Variants in TESPA1 observed in about 807,000 individuals in gnomAD.
The protein encoded by TESPA1 is protein TESPA1.
A neutral mutation model predicts 57.9 loss-of-function variants in TESPA1; 33 were observed. The observed-to-expected ratio is 0.57, with a 90% CI of 0.43 to 0.76. The LOEUF (loss-of-function observed/expected upper bound fraction) is 0.76, where lower values mean the gene tolerates loss of function less well. TESPA1 is among the 30% of genes least tolerant of loss of function. The pLI, the probability that TESPA1 is intolerant of heterozygous loss-of-function variation, is 0.00. For missense variants in TESPA1, 618 were observed against 632.9 expected (o/e 0.98, Z 0.25); for synonymous variants, 227 against 228.9 (o/e 0.99, Z 0.07).
intron 7 of TESPA1, 63 bp downstream of exon 7, chr12:54,965,990 G>A (rs1266937508): frequency 1.3e-6 from 2 of 1,494,486 alleles, no homozygotes; most frequent in Non-Finnish European, 1.8e-6. Context: ...ATGGCTCTTG[G>A]TTCCATTCTC....
intron 10 of TESPA1, among the ~76,000 whole-genome samples, chr12:54,955,001 G>A (rs1257486304): frequency 2.0e-5 from 3 of 152,110 alleles, no homozygotes; most frequent in Non-Finnish European, 4.4e-5. Flanking sequence ...ATTTTTTGAG[G>A]AAACTTAGTA....
intron 2 of TESPA1, chr12:54,973,771 G>A: frequency 2.4e-6 from 3 of 1,255,006 alleles, no homozygotes; most frequent in Non-Finnish European, 3.0e-6. Flanking sequence ...CAGGCCCACT[G>A]CTGTCTTTTG....
rs894459559 is a variant in TESPA1 at position 54,949,201 on chromosome 12, C to T, written c.*1191G>A. ...AACACAGATGGTTTAAAAATTTTTC[C>T]ACCCTAGCCCTTTTGTCTCTGCCTC... On this transcript the variant is annotated 3_prime_UTR_variant, in exon 11 of 11. Coordinates refer to ENST00000449076, the MANE Select transcript of TESPA1 (RefSeq NM_001136030.3). 4 of 152,070 alleles carry T rather than the reference C, an allele frequency of 2.6e-5. No homozygotes were observed. The highest frequency in any genetic ancestry group is 5.9e-5 in the Non-Finnish European group (4 of 67,994). 9.4% of individuals were successfully genotyped at this position (152,070 alleles called of 1,614,324 possible).
intron 1 of TESPA1, among the ~76,000 whole-genome samples, 181 bp downstream of exon 1, chr12:54,984,404 A>G (rs1311190206): frequency 6.6e-6 from 1 of 152,248 alleles, no homozygotes; most frequent in Non-Finnish European, 1.5e-5. Context: ...AAGGGCACCC[A>G]GCATCGTTCT....
chr12:54,969,093 T>G (rs7954972), intron 3 of TESPA1, among the ~76,000 whole-genome samples: 47,109 of 139,544 alleles, frequency 0.34, 10,980 homozygotes, highest in East Asian at 0.91. Flanking sequence ...TGCTTGTAAC[T>G]CCTTTCAATA....
Position 54,966,517 on chromosome 12 carries a change from G to C in TESPA1, c.311-93C>G. 2.1e-6 allele frequency: 3 copies of C among 1,441,440 alleles called. No individual in the cohort carries two copies. In the South Asian group the frequency reaches 4.0e-5, roughly 19 times the overall value. The allele number at this position is 1,441,440 out of a possible 1,614,324, so 89.3% of individuals were successfully genotyped here. ...CTGAACCTAAAACTCAGTCCCCTCTGTTTCTTTTTGTGACTATGACAGGCT... is the reference window on the plus strand; with the variant it reads ...CTGAACCTAAAACTCAGTCCCCTCTCTTTCTTTTTGTGACTATGACAGGCT... On this transcript the variant is annotated intron_variant, in intron 5 of 10. Coordinates refer to ENST00000449076, the MANE Select transcript of TESPA1 (RefSeq NM_001136030.3).
At chr12:54,952,416 G>A (rs1950459332) in intron 10 of TESPA1, among the ~76,000 whole-genome samples, 2 of 152,280 alleles carry the variant, frequency 1.3e-5, no homozygotes, top group East Asian at 1.9e-4. Flanking sequence ...GAACTCATCA[G>A]CTTTTTCTAA....
intron 8 of TESPA1, among the ~76,000 whole-genome samples, 154 bp downstream of exon 8, chr12:54,963,588 T>G (rs1484474943): frequency 6.6e-6 from 1 of 152,196 alleles, no homozygotes; most frequent in Non-Finnish European, 1.5e-5. Flanking sequence ...GACAGAGTTC[T>G]CCATCTTCAC....
rs371233188 is a variant in TESPA1 at position 54,973,545 on chromosome 12, T to A, written c.164-26A>T. On this transcript the variant is annotated intron_variant, in intron 2 of 10. Coordinates refer to ENST00000449076, the MANE Select transcript of TESPA1 (RefSeq NM_001136030.3). Reference sequence around the variant, plus strand: ...CTAGAAAAGTCAGACACTAGATCACTGTGAGAACTGAACGAAATCAGACCT... The same window carrying A: ...CTAGAAAAGTCAGACACTAGATCACAGTGAGAACTGAACGAAATCAGACCT... 5 of 1,614,018 alleles carry A rather than the reference T, an allele frequency of 3.1e-6. No individual in the cohort carries two copies. In the Middle Eastern group the frequency reaches 5.0e-4, roughly 160 times the overall value.
chr12:54,963,344 G>A, intron 8 of TESPA1, 102 bp from the exon 9 acceptor site: 2 of 1,180,372 alleles, frequency 1.7e-6, no homozygotes, highest in Non-Finnish European at 2.3e-6. Context: ...TCAGGGAGAA[G>A]CTTCCAATTT....
intron 1 of TESPA1, among the ~76,000 whole-genome samples, chr12:54,979,290 T>A (rs971309369): frequency 6.6e-6 from 1 of 152,228 alleles, no homozygotes; most frequent in Admixed American, 6.5e-5. Flanking sequence ...TCATCTATCA[T>A]CTCTCTTGAT....
intron 1 of TESPA1, chr12:54,981,736 A>C (rs1305715971): frequency 6.6e-6 from 1 of 152,234 alleles, no homozygotes; most frequent in East Asian, 1.9e-4. Flanking sequence ...CTGGAGTCAC[A>C]AAGAATATTA....
In TESPA1 at chr12:54,974,411, A is replaced by T; in HGVS notation, c.152T>A (p.Val51Asp). The T allele has an allele frequency of 6.2e-7, 1 of 1,605,160 alleles. No individual in the cohort carries two copies. Among genetic ancestry groups the T allele is most frequent in the South Asian group, 1.1e-5 (1 of 89,076 alleles). Residue 51 changes from valine (V) to aspartate (D), a missense_variant, in exon 2 of 11, where the codon GTT becomes GAT. Val to Asp is a radical substitution (Grantham distance 152). Transcript: ENST00000449076. ...PDPEPSSLDD[V>D]FQEGNPINKI... The stretch of plus-strand genomic sequence containing the variant: ...TGTTCGTCTCTTACCTTCTTGGAAA[A>T]CGTCATCCAGGCTGGAAGGCTCAGG...
chr12:54,959,818 C>A (rs919629098), intron 10 of TESPA1, among the ~76,000 whole-genome samples: 2 of 152,090 alleles, frequency 1.3e-5, no homozygotes, highest in African/African-American at 2.4e-5. Context: ...ACATGCCAGA[C>A]CAGCAACTGA....
chr12:54,952,008 C>T (rs191228858), intron 10 of TESPA1, among the ~76,000 whole-genome samples: 2 of 152,022 alleles, frequency 1.3e-5, no homozygotes, highest in Admixed American at 6.6e-5. Context: ...TTTGAGTTTG[C>T]CCTCCAAAAT....
Position 54,956,647 on chromosome 12 carries a change from CA to C in TESPA1, c.*1+4520del, listed in dbSNP as rs150593595. On this transcript the variant is annotated intron_variant, in intron 10 of 10. Coordinates refer to ENST00000449076, the MANE Select transcript of TESPA1 (RefSeq NM_001136030.3). ...GTGAAGAAAGCTGTTGGCTGCGGGT[CA>C]AGGTCCTCTTTTAATAGAAAAGGTG... is the stretch of plus-strand genomic sequence containing the variant. Among the ~76,000 whole-genome samples, 1,103 of 152,318 alleles carry C rather than the reference CA, an allele frequency of 7.2e-3. 16 individuals are homozygous for C. The highest frequency in any genetic ancestry group is 0.026 in the African/African-American group (1,068 of 41,554).
intron 7 of TESPA1, among the ~76,000 whole-genome samples, chr12:54,964,208 C>T (rs181325856): frequency 7.2e-5 from 11 of 152,070 alleles, no homozygotes; most frequent in African/African-American, 1.4e-4. Flanking sequence ...TTATTGCAGA[C>T]GAATAAAAAT....
At chr12:54,957,044 G>T (rs1950777777) in intron 10 of TESPA1, among the ~76,000 whole-genome samples, 1 of 152,174 alleles carries the variant, frequency 6.6e-6, no homozygotes, top group African/African-American at 2.4e-5. Context: ...CCAACTTTGC[G>T]AGACTCATTC....
intron 10 of TESPA1, among the ~76,000 whole-genome samples, chr12:54,955,921 AT>A (rs1361464102): frequency 6.6e-6 from 1 of 151,374 alleles, no homozygotes; most frequent in East Asian, 2.0e-4. Flanking sequence ...TACACTTCAC[AT>A]CTGACTGTCC....
Sources: gnomAD v4.1 joint callset for allele counts (sites outside exome capture counted in the v4.1 genomes callset) on GRCh38, gnomAD v4.1.1 for gene constraint, MANE v1.5 for transcripts, NCBI Gene and HGNC (gene_info 2026-07-23, HGNC 2026-07-21) for gene names.